CLMN: variants seen among roughly 807,000 people sequenced by gnomAD.
The protein encoded by CLMN is calmin, also known as calmin (calponin-like, transmembrane).
CLMN carries 57 observed loss-of-function variants against 92.7 expected under a neutral mutation model. That is an observed-to-expected ratio of 0.61 (90% CI 0.50 to 0.77). The LOEUF (loss-of-function observed/expected upper bound fraction) is 0.77, where lower values mean the gene tolerates loss of function less well. Among genes scored for constraint, CLMN ranks in the 30% least tolerant of loss-of-function variants. The pLI, the probability that CLMN is intolerant of heterozygous loss-of-function variation, is 0.00. For synonymous variants in CLMN, 466 were observed against 470.6 expected (o/e 0.99, Z 0.13); for missense variants, 1,158 against 1,237.5 (o/e 0.94, Z 0.96).
intron 1 of CLMN, among the ~76,000 whole-genome samples, chr14:95,274,783 A>G (rs1899858520): frequency 6.6e-6 from 1 of 152,196 alleles, no homozygotes; most frequent in Non-Finnish European, 1.5e-5. Flanking sequence ...GATCAAGACC[A>G]TCTTGGCCAA....
At chr14:95,290,391 G>C (rs116909364) in intron 1 of CLMN, among the ~76,000 whole-genome samples, 1 of 152,208 alleles carries the variant, frequency 6.6e-6, no homozygotes, top group African/African-American at 2.4e-5. Context: ...AAGTTTTCCC[G>C]TAGTCTCAGG....
At position 95,184,729 on chromosome 14, in the gene CLMN, C is replaced by T. The variant is rs1401974693; in HGVS notation, c.*6835G>A. The T allele has an allele frequency of 1.3e-5, 2 of 152,260 alleles. No homozygotes were observed. The highest frequency in any genetic ancestry group is 2.9e-5 in the Non-Finnish European group (2 of 68,092). 9.4% of individuals were successfully genotyped at this position (152,260 alleles called of 1,614,324 possible). A position where few individuals can be genotyped will look rare whatever the true frequency, so the allele number is the denominator to read the frequency against. On this transcript the variant is annotated 3_prime_UTR_variant, in exon 13 of 13. Transcript: ENST00000298912. Reference sequence around the variant, plus strand: ...TGAGTCTCCAGGCTTTTGACCCACACCTGACCAAGCTCACCCCATGCCCTG... The same window carrying T: ...TGAGTCTCCAGGCTTTTGACCCACATCTGACCAAGCTCACCCCATGCCCTG...
At position 95,196,566 on chromosome 14, in the gene CLMN, T is replaced by A; in HGVS notation, c.2640A>T (p.Val880=). ...CTGAGGATTGAACACTTCCTGGTGC[T>A]ACAAATAGTGAACTTTCTACGTGGT... is the stretch of plus-strand genomic sequence containing the variant. ...HVDHVESSLF[V]APGSVQSSDD... The change falls in exon 10 of 13, where the codon GTA becomes GTT. Residue 880 remains valine, a synonymous_variant. Coordinates refer to ENST00000298912, the MANE Select transcript of CLMN (RefSeq NM_024734.4). 6.2e-7 allele frequency: 1 copy of A among 1,614,258 alleles called. No individual in the cohort carries two copies. The highest frequency in any genetic ancestry group is 8.5e-7 in the Non-Finnish European group (1 of 1,180,046).
rs574489736 is a variant in CLMN, at chr14:95,284,738, T to C, written c.82+34973A>G. Among the ~76,000 whole-genome samples, 9 of 152,266 alleles carry C rather than the reference T, an allele frequency of 5.9e-5. No individual in the cohort carries two copies. The South Asian group carries it at 1.9e-3, about 32-fold the overall frequency. On this transcript the variant is annotated intron_variant, in intron 1 of 12. Transcript: ENST00000298912. ...TATTTACCCAATACCTGTACCCCACTGTATCTAGGAAGCAACTAGCTTGCT... is the reference window on the plus strand; with the variant it reads ...TATTTACCCAATACCTGTACCCCACCGTATCTAGGAAGCAACTAGCTTGCT...
In CLMN at chr14:95,202,890, T is replaced by G; in HGVS notation, c.2459A>C (p.Glu820Ala). ...ASEPAPLAPH[E>A]DHQQRETKEN... The stretch of plus-strand genomic sequence containing the variant: ...TTTGGTCTCCCTTTGCTGGTGGTCC[T>G]CATGGGGGGCCAGTGGAGCGGGTTC... Residue 820 changes from glutamate to alanine, a missense_variant, in exon 9 of 13, where the codon GAG becomes GCG. Glu to Ala is a moderately radical substitution (Grantham distance 107). Coordinates refer to ENST00000298912, the MANE Select transcript of CLMN (RefSeq NM_024734.4). The G allele has an allele frequency of 6.4e-7, 1 of 1,574,146 alleles. No individual in the cohort carries two copies. The highest frequency in any genetic ancestry group is 1.2e-5 in the South Asian group (1 of 83,976).
chr14:95,315,610 C>T (rs1356663522), intron 1 of CLMN, among the ~76,000 whole-genome samples: 1 of 152,230 alleles, frequency 6.6e-6, no homozygotes, highest in Non-Finnish European at 1.5e-5. Context: ...CTGAGCCTGC[C>T]TTGAGGGGAT....
In CLMN at chr14:95,223,857, T is replaced by G. The variant is rs542905143; in HGVS notation, c.145-2A>C. ...TTTAACTTCTAGAGGTGGGTTGCACTTTGAAAGAGAAGGGAAGAAAGTAGC... is the reference window on the plus strand; with the variant it reads ...TTTAACTTCTAGAGGTGGGTTGCACGTTGAAAGAGAAGGGAAGAAAGTAGC... On this transcript the variant is annotated splice_acceptor_variant, in intron 2 of 12. Transcript: ENST00000298912. LOFTEE classifies it high-confidence loss of function. 1 of 1,607,346 alleles carries G rather than the reference T, an allele frequency of 6.2e-7. No homozygotes were observed. The highest frequency in any genetic ancestry group is 1.3e-5 in the African/African-American group (1 of 74,738).
chr14:95,243,719 A>AT lies in CLMN; in HGVS notation c.83-13587dup, dbSNP rs35698997. On this transcript the variant is annotated intron_variant, in intron 1 of 12. Transcript: ENST00000298912. ...TTGTTCAAGGAGAGTAATCTCCTCTATTTTTTTTTTTTTTTTTAGCACCAA... is the reference window on the plus strand; with the variant it reads ...TTGTTCAAGGAGAGTAATCTCCTCTATTTTTTTTTTTTTTTTTTAGCACCAA... 7.1e-3 allele frequency among the ~76,000 whole-genome samples: 988 copies of AT among 139,478 alleles called. 43 individuals are homozygous for AT. The East Asian group carries it at 0.13, about 19-fold the overall frequency. The allele number at this position is 139,478 out of a possible 152,430, so 91.5% of individuals were successfully genotyped here.
At chr14:95,210,625 G>T in intron 7 of CLMN, 61 bp downstream of exon 7, 2 of 1,528,624 alleles carry the variant, frequency 1.3e-6, no homozygotes, top group African/African-American at 1.4e-5. Context: ...TTCCACATGG[G>T]ACAGCAAGTG....
intron 1 of CLMN, among the ~76,000 whole-genome samples, chr14:95,248,109 A>G (rs563564427): frequency 9.3e-5 from 14 of 151,338 alleles, no homozygotes; most frequent in African/African-American, 3.4e-4. Flanking sequence ...CAAACTGCAA[A>G]TGAAAAAAAA....
At chr14:95,276,988 T>C (rs578239332) in intron 1 of CLMN, among the ~76,000 whole-genome samples, 3 of 151,784 alleles carry the variant, frequency 2.0e-5, no homozygotes, top group Non-Finnish European at 2.9e-5. Context: ...CCCATAGCTA[T>C]GGCACAGCAA....
chr14:95,216,190 C>T (rs1897339456), intron 4 of CLMN, among the ~76,000 whole-genome samples: 2 of 152,182 alleles, frequency 1.3e-5, no homozygotes, highest in Admixed American at 1.3e-4. Flanking sequence ...TGGCGACAGG[C>T]AAGAGAACGT....
chr14:95,201,566 CT>C (rs57205690), intron 9 of CLMN, among the ~76,000 whole-genome samples: 3,671 of 139,436 alleles, frequency 0.026, 78 homozygotes, highest in African/African-American at 0.072. Flanking sequence ...CTTTTTTTTC[CT>C]TTTTTTTTTT....
At position 95,210,825 on chromosome 14, in the gene CLMN, G is replaced by A; in HGVS notation, c.663C>T (p.Phe221=). ...FAGSWRSGLA[F]LAVIKAIDPS... ...GGTCAATGGCCTTGATCACCGCCAG[G>A]AAAGCCAGCCCACTCCTCCAACTGC... Residue 221 remains phenylalanine (F), a synonymous_variant, in exon 7 of 13, where the codon TTC becomes TTT. Transcript: ENST00000298912. 2.5e-6 allele frequency: 4 copies of A among 1,577,132 alleles called. No individual in the cohort carries two copies. Among genetic ancestry groups the A allele is most frequent in the Non-Finnish European group, 3.4e-6 (4 of 1,167,000 alleles).
At chr14:95,278,334 C>T (rs1466110917) in intron 1 of CLMN, among the ~76,000 whole-genome samples, 1 of 152,048 alleles carries the variant, frequency 6.6e-6, no homozygotes, top group Non-Finnish European at 1.5e-5. Context: ...ATTTAAAAGA[C>T]CTTTAAGTTT....
chr14:95,297,003 G>A (rs952955539), intron 1 of CLMN, among the ~76,000 whole-genome samples: 2 of 152,154 alleles, frequency 1.3e-5, no homozygotes, highest in Non-Finnish European at 2.9e-5. Context: ...ACGAATGCCA[G>A]CTAGTGTGTT....
At chr14:95,272,746 T>C (rs1361374989) in intron 1 of CLMN, among the ~76,000 whole-genome samples, 2 of 152,180 alleles carry the variant, frequency 1.3e-5, no homozygotes, top group Non-Finnish European at 2.9e-5. Flanking sequence ...CATGGTGTAG[T>C]GGGACAGAAG....
intron 12 of CLMN, chr14:95,193,148 T>G: frequency 1.8e-6 from 1 of 551,500 alleles, no homozygotes; most frequent in Non-Finnish European, 3.2e-6. Flanking sequence ...ATAAAATTTT[T>G]TAAAAATAAA....
intron 1 of CLMN, among the ~76,000 whole-genome samples, chr14:95,231,283 G>A (rs144315129): frequency 2.7e-5 from 4 of 145,896 alleles, no homozygotes; most frequent in African/African-American, 7.7e-5. Flanking sequence ...TACAAGCTCC[G>A]CCTCCCGGGT....
Sources: gnomAD v4.1 joint callset for allele counts (sites outside exome capture counted in the v4.1 genomes callset) on GRCh38, gnomAD v4.1.1 for gene constraint, MANE v1.5 for transcripts, NCBI Gene and HGNC (gene_info 2026-07-23, HGNC 2026-07-21) for gene names.